Variants in NEGR1 observed in about 807,000 individuals in gnomAD.
The protein encoded by NEGR1 is IgLON family member 4.
NEGR1 carries 10 observed loss-of-function variants against 40.9 expected under a neutral mutation model. The observed-to-expected ratio is 0.24, with a 90% CI of 0.15 to 0.42. The LOEUF (loss-of-function observed/expected upper bound fraction) is 0.42. Ranked by LOEUF, NEGR1 falls within the 10% of genes least tolerant of loss-of-function variation. The probability of loss-of-function intolerance (pLI) is 1.00; values close to 1 mark genes in which losing one functional copy is unlikely to be tolerated. For synonymous variants in NEGR1, 185 were observed against 166.8 expected (o/e 1.11, Z -0.84); for missense variants, 352 against 438.9 (o/e 0.80, Z 1.77).
At chr1:71,747,418 T>G (rs1046674030) in intron 3 of NEGR1, among the ~76,000 whole-genome samples, 3 of 151,772 alleles carry the variant, frequency 2.0e-5, no homozygotes, top group African/African-American at 7.3e-5. Context: ...TGGTGAAAAC[T>G]TCTTACATCT....
chr1:71,906,277 T>C (rs983700064), intron 2 of NEGR1, among the ~76,000 whole-genome samples: 1 of 152,008 alleles, frequency 6.6e-6, no homozygotes, highest in Non-Finnish European at 1.5e-5. Context: ...GATTGCACAT[T>C]GGGTACCGTA....
intron 4 of NEGR1, among the ~76,000 whole-genome samples, chr1:71,691,549 C>T (rs1261361185): frequency 2.0e-5 from 3 of 151,790 alleles, no homozygotes; most frequent in South Asian, 4.1e-4. Context: ...AAACAGAAAT[C>T]TTCCAAGTAT....
intron 4 of NEGR1, among the ~76,000 whole-genome samples, chr1:71,677,322 G>A (rs973970881): frequency 9.9e-5 from 15 of 151,990 alleles, no homozygotes; most frequent in Admixed American, 2.0e-4. Flanking sequence ...TATCTTTACT[G>A]CATGCTTCTT....
intron 3 of NEGR1, among the ~76,000 whole-genome samples, chr1:71,766,538 A>G (rs983467867): frequency 6.6e-6 from 1 of 152,246 alleles, no homozygotes; most frequent in Non-Finnish European, 1.5e-5. Flanking sequence ...CCACCAGGCT[A>G]AAGGATGAAC....
intron 1 of NEGR1, among the ~76,000 whole-genome samples, chr1:72,072,585 T>C (rs1647514855): frequency 6.6e-6 from 1 of 152,160 alleles, no homozygotes; most frequent in Non-Finnish European, 1.5e-5. Flanking sequence ...AAAGCAATTA[T>C]ATTTCAATAT....
chr1:71,812,131 A>G (rs899708006), intron 2 of NEGR1, among the ~76,000 whole-genome samples: 2 of 151,906 alleles, frequency 1.3e-5, no homozygotes, highest in Non-Finnish European at 2.9e-5. Flanking sequence ...CCCATTTATA[A>G]CTGAGAACAT....
intron 2 of NEGR1, among the ~76,000 whole-genome samples, chr1:71,905,456 A>G (rs1192516334): frequency 6.6e-6 from 1 of 151,982 alleles, no homozygotes; most frequent in African/African-American, 2.4e-5. Context: ...TCACATCAAG[A>G]AAATCATTAT....
intron 3 of NEGR1, chr1:71,703,243 A>C (rs1041056459): frequency 2.0e-5 from 3 of 152,166 alleles, no homozygotes; most frequent in Non-Finnish European, 4.4e-5. Context: ...TAAAAGCCAG[A>C]ATAAAGACTC....
intron 1 of NEGR1, among the ~76,000 whole-genome samples, chr1:71,991,806 G>T (rs1646455123): frequency 2.0e-5 from 3 of 152,004 alleles, no homozygotes; most frequent in Admixed American, 1.3e-4. Context: ...TTGTTTGTTT[G>T]TTTGAGACAG....
At chr1:71,498,708 C>A (rs1646981043) in intron 6 of NEGR1, among the ~76,000 whole-genome samples, 1 of 152,140 alleles carries the variant, frequency 6.6e-6, no homozygotes, top group African/African-American at 2.4e-5. Flanking sequence ...TGGGTATAGC[C>A]AGTCATTTCC....
intron 1 of NEGR1, among the ~76,000 whole-genome samples, chr1:72,097,176 G>A (rs536298303): frequency 6.6e-6 from 1 of 152,082 alleles, no homozygotes; most frequent in African/African-American, 2.4e-5. Flanking sequence ...CCAGAGGCTG[G>A]GTTTGAAACC....
chr1:71,576,334 A>G (rs565167199), intron 6 of NEGR1, among the ~76,000 whole-genome samples: 1 of 152,166 alleles, frequency 6.6e-6, no homozygotes, highest in Admixed American at 6.5e-5. Context: ...CCACCATAGT[A>G]TTTTGGGGTT....
intron 1 of NEGR1, among the ~76,000 whole-genome samples, chr1:72,230,978 A>G (rs1045100724): frequency 1.3e-5 from 2 of 152,122 alleles, no homozygotes; most frequent in African/African-American, 4.8e-5. Context: ...CTTTTATGTG[A>G]TTTCTAAAGG....
intron 6 of NEGR1, among the ~76,000 whole-genome samples, chr1:71,563,305 T>C (rs1413375185): frequency 1.3e-5 from 2 of 152,002 alleles, no homozygotes; most frequent in Non-Finnish European, 2.9e-5. Flanking sequence ...AGCTGGCAGA[T>C]AAATGGCCGG....
intron 4 of NEGR1, among the ~76,000 whole-genome samples, chr1:71,666,385 A>T (rs1652242313): frequency 6.6e-6 from 1 of 152,168 alleles, no homozygotes; most frequent in African/African-American, 2.4e-5. Flanking sequence ...TGTAAAAAGT[A>T]CCCATCATGG....
intron 2 of NEGR1, among the ~76,000 whole-genome samples, chr1:71,901,235 T>G (rs2101863414): frequency 6.6e-6 from 1 of 152,316 alleles, no homozygotes. Context: ...AAATAAGGAC[T>G]AGCCTTCATA....
intron 1 of NEGR1, among the ~76,000 whole-genome samples, chr1:72,201,867 G>C (rs908979785): frequency 1.3e-5 from 2 of 151,892 alleles, no homozygotes; most frequent in Non-Finnish European, 2.9e-5. Context: ...ACTCTGCCTT[G>C]ATCCTACCAA....
At chr1:72,164,614 A>T (rs2100381930) in intron 1 of NEGR1, among the ~76,000 whole-genome samples, 1 of 152,188 alleles carries the variant, frequency 6.6e-6, no homozygotes, top group African/African-American at 2.4e-5. Context: ...CTTTGCTTTC[A>T]GAATTTTTAC....
chr1:71,602,765 C>T (rs2101533841), intron 5 of NEGR1, among the ~76,000 whole-genome samples: 1 of 152,276 alleles, frequency 6.6e-6, no homozygotes. Context: ...TATGACAAAT[C>T]CTACACTCTA....
Sources: gnomAD v4.1 joint callset for allele counts (sites outside exome capture counted in the v4.1 genomes callset) on GRCh38, gnomAD v4.1.1 for gene constraint, MANE v1.5 for transcripts, NCBI Gene and HGNC (gene_info 2026-07-23, HGNC 2026-07-21) for gene names.